The following NUBPL variants were observed in gnomAD, a reference collection of about 807,000 sequenced individuals.
NUBPL encodes iron-sulfur cluster transfer protein NUBPL.
NUBPL carries 31 observed loss-of-function variants against 45.7 expected under a neutral mutation model. That is an observed-to-expected ratio of 0.68 (90% CI 0.51 to 0.92). The LOEUF is 0.92. Ranked by LOEUF, NUBPL falls within the 40% of genes least tolerant of loss-of-function variation. The pLI is 0.00. For missense variants in NUBPL, 401 were observed against 398.7 expected, an observed-to-expected ratio of 1.01 and a Z score of -0.05; for synonymous variants, 144 against 140.9, an observed-to-expected ratio of 1.02 and a Z score of -0.15.
In NUBPL at chr14:31,673,338, A is replaced by ATTTT; in HGVS notation, c.383-8_383-5dup. ...GTGTTTTATTGTTCTAAAAGAGAGG[A>ATTTT]TTTTTTTTTTTTCCAGGCAACCTAA... On this transcript the variant is annotated splice_polypyrimidine_tract_variant and intron_variant, in intron 4 of 10. Transcript: ENST00000281081. The ATTTT allele has an allele frequency of 2.1e-6, 3 of 1,401,206 alleles. No individual in the cohort carries two copies. The highest frequency in any genetic ancestry group is 1.3e-5 in the South Asian group (1 of 78,688). 86.8% of individuals were successfully genotyped at this position (1,401,206 alleles called of 1,614,324 possible).
chr14:31,593,486 C>G (rs1206271616), intron 3 of NUBPL, among the ~76,000 whole-genome samples: 1 of 135,278 alleles, frequency 7.4e-6, no homozygotes, highest in African/African-American at 2.7e-5. Flanking sequence ...TGCACTCCAG[C>G]CTGGGCGACA....
chr14:31,827,967 G>T (rs1331248870), intron 8 of NUBPL, among the ~76,000 whole-genome samples: 1 of 152,118 alleles, frequency 6.6e-6, no homozygotes, highest in Non-Finnish European at 1.5e-5. Flanking sequence ...CAGTGCTGTG[G>T]GTATTGGCAA....
intron 6 of NUBPL, among the ~76,000 whole-genome samples, chr14:31,773,446 G>A (rs1407414924): frequency 1.3e-5 from 2 of 152,156 alleles, no homozygotes; most frequent in Non-Finnish European, 2.9e-5. Context: ...AGAGATGGAT[G>A]TAAATATTTT....
chr14:31,627,839 CAT>C (rs2035247253), intron 4 of NUBPL, among the ~76,000 whole-genome samples: 1 of 151,060 alleles, frequency 6.6e-6, no homozygotes, highest in Admixed American at 6.6e-5. Context: ...TTATATTTAC[CAT>C]ATTAGAAATT....
At chr14:31,819,296 C>T (rs187229425) in intron 7 of NUBPL, among the ~76,000 whole-genome samples, 1 of 152,314 alleles carries the variant, frequency 6.6e-6, no homozygotes, top group Non-Finnish European at 1.5e-5. Flanking sequence ...AAAGGAGAAT[C>T]AGTAGCACTA....
intron 4 of NUBPL, among the ~76,000 whole-genome samples, chr14:31,647,592 C>A (rs1461953556): frequency 2.6e-5 from 4 of 152,198 alleles, no homozygotes; most frequent in African/African-American, 9.6e-5. Context: ...TGTGGTGCTG[C>A]TGAACAGTCA....
At chr14:31,712,470 G>T (rs2037597180) in intron 6 of NUBPL, among the ~76,000 whole-genome samples, 1 of 152,226 alleles carries the variant, frequency 6.6e-6, no homozygotes, top group Non-Finnish European at 1.5e-5. Flanking sequence ...ACCTGTGCCA[G>T]CCTGTGAGTG....
At chr14:31,738,227 G>A (rs974930674) in intron 6 of NUBPL, among the ~76,000 whole-genome samples, 2 of 152,160 alleles carry the variant, frequency 1.3e-5, no homozygotes, top group Non-Finnish European at 2.9e-5. Flanking sequence ...TGGGAGCTCT[G>A]GAAATTACTC....
intron 3 of NUBPL, among the ~76,000 whole-genome samples, chr14:31,573,400 G>C (rs528139539): frequency 6.6e-6 from 1 of 152,252 alleles, no homozygotes; most frequent in African/African-American, 2.4e-5. Context: ...TCACCAGCTT[G>C]CATATCTCTC....
chr14:31,572,336 T>C (rs1194142154), intron 3 of NUBPL, among the ~76,000 whole-genome samples: 1 of 152,062 alleles, frequency 6.6e-6, no homozygotes, highest in African/African-American at 2.4e-5. Context: ...AGACAGGGTT[T>C]CACTGTGTTA....
chr14:31,648,077 AC>A (rs1390660998), intron 4 of NUBPL, among the ~76,000 whole-genome samples: 1 of 152,200 alleles, frequency 6.6e-6, no homozygotes. Flanking sequence ...TAAGCTAAAA[AC>A]TGATTTTTCT....
intron 6 of NUBPL, among the ~76,000 whole-genome samples, chr14:31,733,643 A>G (rs1474698610): frequency 6.6e-6 from 1 of 152,170 alleles, no homozygotes; most frequent in East Asian, 1.9e-4. Flanking sequence ...GACCTGTCAT[A>G]CTACATTTCT....
chr14:31,846,298 G>T (rs1157661589), intron 8 of NUBPL, 173 bp from the exon 9 acceptor site: 7 of 623,072 alleles, frequency 1.1e-5, no homozygotes, highest in Non-Finnish European at 1.7e-5. Context: ...TATATGTCTT[G>T]CTCTCTTACT....
intron 4 of NUBPL, among the ~76,000 whole-genome samples, chr14:31,669,053 G>A (rs1410031194): frequency 2.0e-5 from 3 of 151,678 alleles, no homozygotes; most frequent in Non-Finnish European, 4.4e-5. Context: ...TTTAGAGTTG[G>A]GGTCTCACTA....
At chr14:31,732,832 GAACTCCTGACCTCA>G (rs1334747227) in intron 6 of NUBPL, among the ~76,000 whole-genome samples, 4 of 151,850 alleles carry the variant, frequency 2.6e-5, no homozygotes, top group Non-Finnish European at 1.5e-5. Flanking sequence ...GGCTGGTCTC[GAACTCCTGACCTCA>G]AATGATCTGC....
In NUBPL at chr14:31,850,193, A is replaced by G. The variant is rs777484506; in HGVS notation, c.889A>G (p.Ser297Gly). The part of the protein sequence containing the change: ...GQPIVFSQPE[S>G]DEAKAYLRIA... ...GCCAATTGTGTTTTCACAGCCTGAA[A>G]GTGATGAGGTAAGTTCCATTTTTGG... The change falls in exon 10 of 11, where the codon AGT (serine) becomes GGT (glycine). Residue 297 changes from serine to glycine, a missense_variant. By Grantham distance (56) the Ser-to-Gly change is moderately conservative (BLOSUM62 0). Coordinates refer to ENST00000281081, the MANE Select transcript of NUBPL (RefSeq NM_025152.3). 34 of 1,612,878 alleles carry G rather than the reference A, an allele frequency of 2.1e-5. No homozygotes were observed. Among genetic ancestry groups the G allele is most frequent in the Non-Finnish European group, 2.6e-5 (31 of 1,179,022 alleles).
At chr14:31,624,391 A>T (rs1239244130) in intron 4 of NUBPL, among the ~76,000 whole-genome samples, 1 of 152,172 alleles carries the variant, frequency 6.6e-6, no homozygotes, top group Non-Finnish European at 1.5e-5. Context: ...TAGTCAACAG[A>T]TGGTTGGATA....
chr14:31,666,260 TA>T (rs1329747475), intron 4 of NUBPL, among the ~76,000 whole-genome samples: 2,393 of 27,360 alleles, frequency 0.087, 150 homozygotes, highest in African/African-American at 0.41. Flanking sequence ...TATATATATA[TA>T]TAATTTTATT....
intron 4 of NUBPL, among the ~76,000 whole-genome samples, chr14:31,670,381 C>T (rs2139802553): frequency 6.6e-6 from 1 of 152,242 alleles, no homozygotes; most frequent in Middle Eastern, 3.4e-3. Context: ...GGACCTTTGT[C>T]AGATGTATGG....
Sources: gnomAD v4.1 joint callset for allele counts (sites outside exome capture counted in the v4.1 genomes callset) on GRCh38, gnomAD v4.1.1 for gene constraint, MANE v1.5 for transcripts, NCBI Gene and HGNC (gene_info 2026-07-23, HGNC 2026-07-21) for gene names.